EPHA6: variants seen among roughly 807,000 people sequenced by gnomAD.
EPHA6 encodes the protein ephrin type-A receptor 6.
Under a neutral mutation model 112.0 loss-of-function variants are expected in EPHA6, and 50 were observed. The ratio of observed to expected loss-of-function variants is 0.45; its 90% CI spans 0.36 to 0.56. The LOEUF (loss-of-function observed/expected upper bound fraction) is 0.56, where lower values mean the gene tolerates loss of function less well. EPHA6 is among the 20% of genes least tolerant of loss of function. The pLI is 0.00. For missense variants in EPHA6, 1,280 were observed against 1,417.4 expected (o/e 0.90, Z 1.56); for synonymous variants, 529 against 490.7 (o/e 1.08, Z -1.03).
chr3:97,522,414 ACTGACTATTTTTATGTG>A (rs1358204026), intron 10 of EPHA6, among the ~76,000 whole-genome samples: 1 of 152,106 alleles, frequency 6.6e-6, no homozygotes, highest in African/African-American at 2.4e-5. Context: ...GATCATGGTG[ACTGACTATTTTTATGTG>A]CTGTTGAATC....
intron 7 of EPHA6, among the ~76,000 whole-genome samples, chr3:97,459,779 C>T (rs1443305542): frequency 6.6e-6 from 1 of 152,140 alleles, no homozygotes; most frequent in African/African-American, 2.4e-5. Context: ...CGATTTTAGC[C>T]TTAAAAAATT....
intron 3 of EPHA6, among the ~76,000 whole-genome samples, chr3:97,101,096 G>C (rs1272993813): frequency 6.6e-6 from 1 of 151,778 alleles, no homozygotes; most frequent in African/African-American, 2.4e-5. Context: ...TTTTTACTGT[G>C]GTGAGTAAAT....
At chr3:97,134,926 T>A in intron 3 of EPHA6, among the ~76,000 whole-genome samples, 1 of 152,270 alleles carries the variant, frequency 6.6e-6, no homozygotes, top group Non-Finnish European at 1.5e-5. Flanking sequence ...CTTCCCTGGT[T>A]GATGAAACTC....
At chr3:97,501,054 T>C (rs2092104810) in intron 10 of EPHA6, among the ~76,000 whole-genome samples, 1 of 152,168 alleles carries the variant, frequency 6.6e-6, no homozygotes, top group Admixed American at 6.5e-5. Context: ...GGACTTTAGT[T>C]TCCTGTACCT....
At chr3:97,630,770 A>G (rs1186246061) in intron 13 of EPHA6, among the ~76,000 whole-genome samples, 1 of 152,002 alleles carries the variant, frequency 6.6e-6, no homozygotes, top group Non-Finnish European at 1.5e-5. Context: ...TTCCCTTTAC[A>G]TGACTTGCCC....
chr3:96,936,105 T>C (rs1478460669), intron 2 of EPHA6, among the ~76,000 whole-genome samples: 1 of 152,068 alleles, frequency 6.6e-6, no homozygotes, highest in Non-Finnish European at 1.5e-5. Context: ...CTCCTCTGGA[T>C]GTACATGCTG....
At chr3:97,678,177 G>GTAGT in intron 14 of EPHA6, among the ~76,000 whole-genome samples, 1 of 152,258 alleles carries the variant, frequency 6.6e-6, no homozygotes, top group East Asian at 1.9e-4. Context: ...GAGGTTCAAA[G>GTAGT]TAGTGTGTTT....
intron 11 of EPHA6, chr3:97,590,388 C>T (rs1316405323): frequency 4.6e-5 from 7 of 152,190 alleles, no homozygotes; most frequent in Middle Eastern, 3.4e-3. Flanking sequence ...GTAATCAATG[C>T]AATCATAGCA....
At chr3:97,730,470 T>G (rs2034987597) in intron 15 of EPHA6, among the ~76,000 whole-genome samples, 1 of 152,106 alleles carries the variant, frequency 6.6e-6, no homozygotes, top group African/African-American at 2.4e-5. Context: ...AATTTTCTTC[T>G]TACATTATAA....
At chr3:97,251,606 C>T (rs1367378296) in intron 5 of EPHA6, among the ~76,000 whole-genome samples, 1 of 152,198 alleles carries the variant, frequency 6.6e-6, no homozygotes, top group Non-Finnish European at 1.5e-5. Context: ...TGAATTTCTT[C>T]ATACTTAAAA....
intron 5 of EPHA6, among the ~76,000 whole-genome samples, chr3:97,397,812 C>T (rs2086779420): frequency 6.6e-6 from 1 of 151,050 alleles, no homozygotes; most frequent in South Asian, 2.1e-4. Context: ...ATTACAGATA[C>T]TATTTCAAAA....
intron 3 of EPHA6, among the ~76,000 whole-genome samples, chr3:97,213,762 C>T (rs2077946454): frequency 6.6e-6 from 1 of 151,980 alleles, no homozygotes. Context: ...TACAGTTAAG[C>T]GGGAGAAAGA....
At chr3:97,737,135 C>T (rs980337904) in intron 16 of EPHA6, among the ~76,000 whole-genome samples, 3 of 152,172 alleles carry the variant, frequency 2.0e-5, no homozygotes, top group African/African-American at 2.4e-5. Flanking sequence ...ACTATTACTC[C>T]GGCCCATCTT....
At chr3:97,251,804 C>T (rs1290499209) in intron 5 of EPHA6, among the ~76,000 whole-genome samples, 2 of 151,956 alleles carry the variant, frequency 1.3e-5, no homozygotes, top group Non-Finnish European at 2.9e-5. Flanking sequence ...AATAAAAATG[C>T]GGGACCCTTT....
intron 13 of EPHA6, among the ~76,000 whole-genome samples, chr3:97,619,624 C>T (rs1013941710): frequency 1.3e-5 from 2 of 151,880 alleles, no homozygotes; most frequent in Admixed American, 1.3e-4. Context: ...ACACCAACAA[C>T]AGTCAGGCCA....
intron 3 of EPHA6, among the ~76,000 whole-genome samples, chr3:97,207,177 A>T (rs1014415379): frequency 2.0e-5 from 3 of 152,154 alleles, no homozygotes; most frequent in Admixed American, 1.3e-4. Flanking sequence ...CTCTTTCAAA[A>T]AAAGCTGTAT....
intron 6 of EPHA6, among the ~76,000 whole-genome samples, chr3:97,418,702 A>G (rs2088341766): frequency 6.6e-6 from 1 of 152,216 alleles, no homozygotes; most frequent in South Asian, 2.1e-4. Flanking sequence ...AAGGAAAATG[A>G]TTCCAAAACG....
chr3:97,509,245 T>C (rs1361675174), intron 10 of EPHA6, among the ~76,000 whole-genome samples: 1 of 151,992 alleles, frequency 6.6e-6, no homozygotes, highest in African/African-American at 2.4e-5. Flanking sequence ...TAGCTGGTTA[T>C]TTTGTCCATT....
At chr3:97,531,006 A>G (rs540227248) in intron 10 of EPHA6, among the ~76,000 whole-genome samples, 1 of 152,168 alleles carries the variant, frequency 6.6e-6, no homozygotes, top group East Asian at 1.9e-4. Context: ...ACAGTTGGCC[A>G]TAAGTGCTAA....
Sources: allele counts gnomAD v4.1 joint callset (sites outside exome capture counted in the v4.1 genomes callset), GRCh38; gene constraint gnomAD v4.1.1; transcripts MANE v1.5; gene names NCBI Gene and HGNC (gene_info 2026-07-23, HGNC 2026-07-21).